Variants in CPNE9 observed in about 807,000 individuals in gnomAD.
CPNE9 encodes the protein copine family member 9.
In CPNE9, 59 loss-of-function variants were observed where a neutral mutation model predicts 83.0. That is an observed-to-expected ratio of 0.71 (90% CI 0.58 to 0.88). The LOEUF (loss-of-function observed/expected upper bound fraction) is 0.88. CPNE9 is among the 40% of genes least tolerant of loss of function. The pLI, the probability that CPNE9 is intolerant of heterozygous loss-of-function variation, is 0.00. For synonymous variants in CPNE9, 256 were observed against 273.4 expected (o/e 0.94, Z 0.63); for missense variants, 619 against 720.8 (o/e 0.86, Z 1.62).
At position 9,704,482 on chromosome 3, in the gene CPNE9, G is replaced by A; in HGVS notation, c.69-105G>A. 2 of 966,540 alleles carry A rather than the reference G, an allele frequency of 2.1e-6. No homozygotes were observed. The highest frequency in any genetic ancestry group is 1.7e-6 in the Non-Finnish European group (1 of 589,844). 59.9% of individuals were successfully genotyped at this position (966,540 alleles called of 1,614,324 possible). ...CTGGGGGTAGCCATGGGGGACAGAGGTTCGATGCGGGCCCCATGCCTCTCC... is the reference window on the plus strand; with the variant it reads ...CTGGGGGTAGCCATGGGGGACAGAGATTCGATGCGGGCCCCATGCCTCTCC... On this transcript the variant is annotated intron_variant, in intron 1 of 20. Transcript: ENST00000383832. This position sits in a 1 kb window ranked among gnomAD's most constrained non-coding sequence, Gnocchi z 7.1.
chr3:9,708,107 CA>C, intron 7 of CPNE9, among the ~76,000 whole-genome samples: 1 of 152,300 alleles, frequency 6.6e-6, no homozygotes, highest in South Asian at 2.1e-4. Context: ...CCAGCAGCCC[CA>C]GCTAATTTTT....
At chr3:9,723,706 G>A (rs981775850) in intron 17 of CPNE9, among the ~76,000 whole-genome samples, 1 of 152,002 alleles carries the variant, frequency 6.6e-6, no homozygotes, top group Non-Finnish European at 1.5e-5. Flanking sequence ...ACCAAGCCCA[G>A]CTAATTTTAA....
chr3:9,705,542 G>A, intron 5 of CPNE9, 42 bp downstream of exon 5: 1 of 1,607,680 alleles, frequency 6.2e-7, no homozygotes, highest in Non-Finnish European at 8.5e-7. Context: ...GCGCACAGGA[G>A]GCACTTAGAT....
chr3:9,710,025 G>GAGATAAATTATACTACATTGGCCGGGC (rs2076611189), intron 7 of CPNE9, among the ~76,000 whole-genome samples: 1 of 150,710 alleles, frequency 6.6e-6, no homozygotes, highest in African/African-American at 2.4e-5. Flanking sequence ...AATTTAACAT[G>GAGATAAATTATACTACATTGGCCGGGC]AGATAAATTA....
rs143487987 is a variant in CPNE9 at position 9,722,180 on chromosome 3, C to T, written c.1241+3578C>T. On this transcript the variant is annotated intron_variant, in intron 17 of 20. Transcript: ENST00000383832. ...GATCCACCCCCCCCCGCCACCCGGC[C>T]TCCCAAAGTGCTGGGATTACAGGCA... is the stretch of plus-strand genomic sequence containing the variant. 1.8e-3 allele frequency among the ~76,000 whole-genome samples: 254 copies of T among 144,204 alleles called. 1 individual carries two copies. The highest frequency in any genetic ancestry group is 6.5e-3 in the African/African-American group (245 of 37,984). 94.6% of individuals were successfully genotyped at this position (144,204 alleles called of 152,430 possible).
Position 9,704,186 on chromosome 3 carries a change from C to A in CPNE9, c.68+122C>A. The A allele has an allele frequency of 1.1e-6, 1 of 898,914 alleles. No individual in the cohort carries two copies. The highest frequency in any genetic ancestry group is 1.7e-6 in the Non-Finnish European group (1 of 592,478). 55.7% of individuals were successfully genotyped at this position (898,914 alleles called of 1,614,324 possible). The stretch of plus-strand genomic sequence containing the variant: ...AGAGGCGAAATTGGCTGGAAAATCA[C>A]AGCTGATGACAGGGCGAGTAGCTGG... On this transcript the variant is annotated intron_variant, in intron 1 of 20. Transcript: ENST00000383832. This position sits in a 1 kb window ranked among gnomAD's most constrained non-coding sequence, Gnocchi z 7.1.
At chr3:9,719,852 C>T (rs1303462836) in intron 17 of CPNE9, among the ~76,000 whole-genome samples, 7 of 151,662 alleles carry the variant, frequency 4.6e-5, no homozygotes, top group Non-Finnish European at 7.4e-5. Context: ...ATTAGCCAGG[C>T]GTGGTGGTGG....
intron 14 of CPNE9, 133 bp downstream of exon 14, chr3:9,716,168 A>C: frequency 1.4e-6 from 1 of 734,432 alleles, no homozygotes; most frequent in South Asian, 1.7e-5. Context: ...CACTTGGCCA[A>C]CTATAAAGTG....
At chr3:9,718,747 T>C in intron 17 of CPNE9, 145 bp downstream of exon 17, 2 of 961,222 alleles carry the variant, frequency 2.1e-6, no homozygotes, top group Non-Finnish European at 3.0e-6. Context: ...ATACCTGTAA[T>C]CCCAACACTT....
In CPNE9 at chr3:9,718,203, TC is replaced by T; in HGVS notation, c.1111del (p.Leu371Ter). On this transcript the variant is annotated frameshift_variant, in exon 16 of 21. Transcript: ENST00000383832. LOFTEE classifies it high-confidence loss of function. ...CCAGAGGGACGGATCTCCCACCAGTTCCCCCTGGTATGGTATTGGCCAGAGC... is the reference window on the plus strand; with the variant it reads ...CCAGAGGGACGGATCTCCCACCAGTTCCCCTGGTATGGTATTGGCCAGAGC... ...LPPEGRISHQ[F>X]PLNNNDEDPN... 1 of 1,610,626 alleles carries T rather than the reference TC, an allele frequency of 6.2e-7. No homozygotes were observed. The highest frequency in any genetic ancestry group is 8.5e-7 in the Non-Finnish European group (1 of 1,178,088).
intron 7 of CPNE9, among the ~76,000 whole-genome samples, chr3:9,707,352 CAAAAAAAAAAA>C (rs779965477): frequency 2.7e-4 from 14 of 50,976 alleles, no homozygotes; most frequent in Non-Finnish European, 4.5e-4. Context: ...GATTCTGTCT[CAAAAAAAAAAA>C]AAAAAAAAAA....
intron 7 of CPNE9, among the ~76,000 whole-genome samples, chr3:9,707,842 A>C (rs2076579858): frequency 5.9e-5 from 9 of 151,936 alleles, no homozygotes; most frequent in Admixed American, 5.9e-4. Flanking sequence ...GAGGAATTCA[A>C]TCAAGAGTTC....
chr3:9,724,479 C>T (rs1279655343), intron 17 of CPNE9, among the ~76,000 whole-genome samples: 1 of 152,160 alleles, frequency 6.6e-6, no homozygotes, highest in Non-Finnish European at 1.5e-5. Context: ...CAAAATCTTG[C>T]CAGGGGTTGA....
chr3:9,716,083 T>C, intron 14 of CPNE9, 48 bp downstream of exon 14: 2 of 1,519,128 alleles, frequency 1.3e-6, no homozygotes, highest in African/African-American at 1.4e-5. Flanking sequence ...AATAAATTAC[T>C]CCCAGTTCTG....
At chr3:9,705,433 CCA>C in intron 4 of CPNE9, 29 bp from the exon 5 acceptor site, 1 of 1,365,806 alleles carries the variant, frequency 7.3e-7, no homozygotes. Flanking sequence ...CCACCCAGCC[CCA>C]CCCCACACCG....
chr3:9,711,459 C>T (rs1332491020), intron 7 of CPNE9, among the ~76,000 whole-genome samples: 1 of 152,160 alleles, frequency 6.6e-6, no homozygotes, highest in Non-Finnish European at 1.5e-5. Flanking sequence ...TCAGGTGATC[C>T]GCCCGCCTAG....
intron 17 of CPNE9, among the ~76,000 whole-genome samples, chr3:9,725,528 C>T (rs1454109510): frequency 1.3e-5 from 2 of 151,468 alleles, no homozygotes. Context: ...GGGTAAGACT[C>T]TGTCTCAAAA....
chr3:9,725,687 T>TATAC (rs777475647), intron 17 of CPNE9, among the ~76,000 whole-genome samples: 1 of 61,398 alleles, frequency 1.6e-5, no homozygotes, highest in Non-Finnish European at 3.4e-5. Flanking sequence ...TATATATATA[T>TATAC]ACATATATGT....
At chr3:9,706,760 G>A (rs911295738) in intron 7 of CPNE9, among the ~76,000 whole-genome samples, 15 of 152,216 alleles carry the variant, frequency 9.9e-5, no homozygotes, top group African/African-American at 2.7e-4. Context: ...CAGGCCTCAC[G>A]GACAGGTAAC....
Sources: gnomAD v4.1 joint callset for allele counts (sites outside exome capture counted in the v4.1 genomes callset) on GRCh38, gnomAD v4.1.1 for gene constraint, Gnocchi (gnomAD v3.1) non-coding constraint, MANE v1.5 for transcripts, NCBI Gene and HGNC (gene_info 2026-07-23, HGNC 2026-07-21) for gene names.